Variants in SKI observed in about 807,000 individuals in gnomAD.
The protein encoded by SKI is ski oncogene.
A neutral mutation model predicts 59.3 loss-of-function variants in SKI; 23 were observed. The ratio of observed to expected loss-of-function variants is 0.39; its 90% CI spans 0.28 to 0.55. The LOEUF (loss-of-function observed/expected upper bound fraction) is 0.55. Ranked by LOEUF, SKI falls within the 20% of genes least tolerant of loss-of-function variation. The pLI, the probability that SKI is intolerant of heterozygous loss-of-function variation, is 0.67. For missense variants in SKI, 1,017 were observed against 1,038.9 expected (o/e 0.98, Z 0.29); for synonymous variants, 673 against 488.6 (o/e 1.38, Z -4.98).
chr1:2,229,711 C>T lies in SKI; in HGVS notation c.945C>T (p.Asn315=). ...DDVKEKFDYG[N]KYKRRVPRVS... is the part of the protein sequence containing the mutation. ...TGAAGGAGAAATTCGACTATGGCAA[C>T]AAGTACAAGCGGCGGGTGCCCCGGG... The change falls in exon 1 of 7, where the codon AAC becomes AAT. Residue 315 remains asparagine (N), a synonymous_variant. Transcript: ENST00000378536. This position sits in a 1 kb window ranked among gnomAD's most constrained non-coding sequence, Gnocchi z 6.3. 1 of 1,579,768 alleles carries T rather than the reference C, an allele frequency of 6.3e-7. No homozygotes were observed.
At chr1:2,240,757 G>C (rs1415495156) in intron 1 of SKI, 4 of 985,366 alleles carry the variant, frequency 4.1e-6, no homozygotes, top group East Asian at 2.3e-4. Context: ...CTTGGTGGGA[G>C]GGGAGAAGCA....
intron 1 of SKI, among the ~76,000 whole-genome samples, chr1:2,291,177 C>T (rs1473210526): frequency 1.3e-5 from 2 of 152,252 alleles, no homozygotes; most frequent in East Asian, 3.8e-4. Context: ...TCTGTTTATT[C>T]TTTTAAGCTA....
intron 1 of SKI, among the ~76,000 whole-genome samples, chr1:2,285,288 G>A (rs1231705395): frequency 6.6e-6 from 1 of 152,074 alleles, no homozygotes; most frequent in East Asian, 1.9e-4. Flanking sequence ...CGAGGCGGCT[G>A]GATCACCTGA....
At chr1:2,296,894 AAATGGTTTAAGGAGGCCGTGC>A (rs1430421429) in intron 1 of SKI, among the ~76,000 whole-genome samples, 1 of 152,040 alleles carries the variant, frequency 6.6e-6, no homozygotes, top group African/African-American at 2.4e-5. Context: ...TCAGTCCGGG[AAATGGTTTAAGGAGGCCGTGC>A]ACAGAAACAG....
At chr1:2,285,937 G>T (rs1244895180) in intron 1 of SKI, among the ~76,000 whole-genome samples, 1 of 135,520 alleles carries the variant, frequency 7.4e-6, no homozygotes, top group Non-Finnish European at 1.5e-5. Context: ...ACAGTGGCAC[G>T]ATCTCGGCTC....
Position 2,303,174 on chromosome 1 carries a change from C to T in SKI, c.1095+71C>T, listed in dbSNP as rs890802761. 4 of 1,607,390 alleles carry T rather than the reference C, an allele frequency of 2.5e-6. No individual in the cohort carries two copies. The highest frequency in any genetic ancestry group is 1.7e-5 in the Admixed American group (1 of 60,004). On this transcript the variant is annotated intron_variant, in intron 2 of 6. Coordinates refer to ENST00000378536, the MANE Select transcript of SKI (RefSeq NM_003036.4). This position sits in a 1 kb window ranked among gnomAD's most constrained non-coding sequence, Gnocchi z 5.6. ...CCTTCTCCTTGGGCAGACCCAGCGGCTGGCAGCTCCACCTGCCCGCTACTG... is the reference window on the plus strand; with the variant it reads ...CCTTCTCCTTGGGCAGACCCAGCGGTTGGCAGCTCCACCTGCCCGCTACTG...
rs74875810 is a variant in SKI at position 2,295,668 on chromosome 1, C to T, written c.970-7310C>T. Among the ~76,000 whole-genome samples the T allele has an allele frequency of 6.4e-3, 968 of 151,218 alleles. 9 individuals carry two copies. Among genetic ancestry groups the T allele is most frequent in the African/African-American group, 0.022 (921 of 41,028 alleles). ...CGTGGCTGTGTGTATGAGAGCCATG[C>T]GTGACTGTGTCCGGGTCACACGTGA... On this transcript the variant is annotated intron_variant, in intron 1 of 6. Coordinates refer to ENST00000378536, the MANE Select transcript of SKI (RefSeq NM_003036.4).
At chr1:2,252,751 G>A (rs956330061) in intron 1 of SKI, among the ~76,000 whole-genome samples, 4 of 152,094 alleles carry the variant, frequency 2.6e-5, no homozygotes, top group East Asian at 3.8e-4. Context: ...TGGAAGAGCC[G>A]TCCCATGGTC....
At chr1:2,252,606 G>GC (rs59705675) in intron 1 of SKI, among the ~76,000 whole-genome samples, 1 of 151,990 alleles carries the variant, frequency 6.6e-6, no homozygotes. Context: ...GAAGGGAGCA[G>GC]CCCCTTGCTC....
At chr1:2,272,662 T>C (rs555686116) in intron 1 of SKI, among the ~76,000 whole-genome samples, 1 of 152,380 alleles carries the variant, frequency 6.6e-6, no homozygotes, top group East Asian at 1.9e-4. Context: ...TACAACCATG[T>C]ATTTTAAATG....
chr1:2,305,542 C>G (rs1378778079), intron 5 of SKI, among the ~76,000 whole-genome samples: 1 of 152,240 alleles, frequency 6.6e-6, no homozygotes, highest in East Asian at 1.9e-4. Context: ...GTGTTTGCAG[C>G]GTGGGGTGTG....
chr1:2,306,814 G>C lies in SKI; in HGVS notation c.*49G>C. On this transcript the variant is annotated 3_prime_UTR_variant, in exon 7 of 7. Transcript: ENST00000378536. Reference sequence around the variant, plus strand: ...CCGCCGACAACGCGGGTGCAGGGGGGCGCGGCTGGGCGGTGCAGCTCCGCC... The same window carrying C: ...CCGCCGACAACGCGGGTGCAGGGGGCCGCGGCTGGGCGGTGCAGCTCCGCC... 1 of 1,334,116 alleles carries C rather than the reference G, an allele frequency of 7.5e-7. No individual in the cohort carries two copies. The highest frequency in any genetic ancestry group is 2.8e-4 in the Middle Eastern group (1 of 3,570). 82.6% of individuals were successfully genotyped at this position (1,334,116 alleles called of 1,614,324 possible).
At chr1:2,245,075 G>T (rs1557816744) in intron 1 of SKI, among the ~76,000 whole-genome samples, 1 of 152,092 alleles carries the variant, frequency 6.6e-6, no homozygotes, top group Non-Finnish European at 1.5e-5. Flanking sequence ...TTGTCCCCAT[G>T]AGACACTCAC....
chr1:2,291,948 A>G (rs1640171444), intron 1 of SKI, among the ~76,000 whole-genome samples: 1 of 152,258 alleles, frequency 6.6e-6, no homozygotes, highest in Non-Finnish European at 1.5e-5. Flanking sequence ...CTGTGCCACA[A>G]TAATCAGAAA....
chr1:2,300,636 C>T (rs774504826), intron 1 of SKI, among the ~76,000 whole-genome samples: 16 of 152,210 alleles, frequency 1.1e-4, no homozygotes, highest in Non-Finnish European at 2.2e-4. Context: ...CCCACAGGGG[C>T]GCAGACACCT....
rs940477134 is a variant in SKI at position 2,267,298 on chromosome 1, C to G, written c.970-35680C>G. Among the ~76,000 whole-genome samples the G allele has an allele frequency of 5.3e-5, 8 of 152,160 alleles. No individual in the cohort carries two copies. The highest frequency in any genetic ancestry group is 1.4e-4 in the African/African-American group (6 of 41,422). On this transcript the variant is annotated intron_variant, in intron 1 of 6. Coordinates refer to ENST00000378536, the MANE Select transcript of SKI (RefSeq NM_003036.4). The surrounding 1 kb of genome is among the most constrained non-coding windows in gnomAD (Gnocchi z 4.1). ...AAAGGGGGGACTAGCACGTACCACT[C>G]AGAATTCAGCTTGCGCGGGCTGCGG...
At position 2,306,795 on chromosome 1, in the gene SKI, A is replaced by C. The variant is rs1640600506; in HGVS notation, c.*30A>C. 5.5e-6 allele frequency: 8 copies of C among 1,463,720 alleles called. No homozygotes were observed. The highest frequency in any genetic ancestry group is 2.6e-5 in the South Asian group (2 of 77,536). The allele number at this position is 1,463,720 out of a possible 1,614,324, so 90.7% of individuals were successfully genotyped here. On this transcript the variant is annotated 3_prime_UTR_variant, in exon 7 of 7. Coordinates refer to ENST00000378536, the MANE Select transcript of SKI (RefSeq NM_003036.4). ...CGTGCCTGCCGCCGCAGCGCCGCCG[A>C]CAACGCGGGTGCAGGGGGGCGCGGC...
intron 1 of SKI, among the ~76,000 whole-genome samples, chr1:2,260,450 A>T (rs1054191156): frequency 6.6e-6 from 1 of 150,472 alleles, no homozygotes; most frequent in Non-Finnish European, 1.5e-5. Flanking sequence ...GTCCCTGTCC[A>T]TGGCTTTCCT....
At chr1:2,234,890 G>A (rs1352759174) in intron 1 of SKI, among the ~76,000 whole-genome samples, 2 of 152,204 alleles carry the variant, frequency 1.3e-5, no homozygotes, top group Non-Finnish European at 2.9e-5. Context: ...TTCCCCTCCT[G>A]AGCAGTGGTC....
Sources: gnomAD v4.1 joint callset for allele counts (sites outside exome capture counted in the v4.1 genomes callset) on GRCh38, gnomAD v4.1.1 for gene constraint, Gnocchi (gnomAD v3.1) non-coding constraint, MANE v1.5 for transcripts, NCBI Gene and HGNC (gene_info 2026-07-23, HGNC 2026-07-21) for gene names.